The following ATAD2B variants were observed in gnomAD, a reference collection of about 807,000 sequenced individuals.
The protein encoded by ATAD2B is ATPase family AAA domain-containing protein 2B.
Under a neutral mutation model 167.6 loss-of-function variants are expected in ATAD2B, and 40 were observed. The observed-to-expected ratio is 0.24, with a 90% CI of 0.19 to 0.31. The LOEUF is 0.31. Ranked by LOEUF, ATAD2B falls within the 10% of genes least tolerant of loss-of-function variation. The pLI, the probability that ATAD2B is intolerant of heterozygous loss-of-function variation, is 1.00. For missense variants in ATAD2B, 1,242 were observed against 1,757.2 expected, an observed-to-expected ratio of 0.71 and a Z score of 5.24; for synonymous variants, 579 against 596.5, an observed-to-expected ratio of 0.97 and a Z score of 0.43.
At chr2:23,797,897 A>C (rs999384982) in intron 19 of ATAD2B, among the ~76,000 whole-genome samples, 10 of 152,156 alleles carry the variant, frequency 6.6e-5, no homozygotes, top group Non-Finnish European at 1.2e-4. Flanking sequence ...TATATAATTC[A>C]GGTTTTGTTC....
At chr2:23,698,971 T>TGCCA in the ATAD2B span, among the ~76,000 whole-genome samples, 1 of 152,254 alleles carries the variant, frequency 6.6e-6, no homozygotes, top group African/African-American at 2.4e-5. Flanking sequence ...TTTGGAACCC[T>TGCCA]GCCATATTGG....
intron 18 of ATAD2B, chr2:23,799,701 T>C (rs1683183990): frequency 6.6e-6 from 1 of 152,012 alleles, no homozygotes. Flanking sequence ...ATTTTTTAAA[T>C]AGTGTATTTT....
chr2:23,747,162 A>G (rs1674933658), downstream of ATAD2B, among the ~76,000 whole-genome samples: 1 of 152,146 alleles, frequency 6.6e-6, no homozygotes, highest in African/African-American at 2.4e-5. Context: ...TAGGGAATAC[A>G]GAAGAAATAT....
intron 14 of ATAD2B, among the ~76,000 whole-genome samples, chr2:23,830,158 A>G (rs1380026243): frequency 6.6e-6 from 1 of 151,904 alleles, no homozygotes; most frequent in Non-Finnish European, 1.5e-5. Context: ...TAATTTTTGT[A>G]TTTTTAGTAG....
At chr2:23,884,503 A>AT (rs1698408747) in intron 6 of ATAD2B, among the ~76,000 whole-genome samples, 1 of 152,208 alleles carries the variant, frequency 6.6e-6, no homozygotes, top group Non-Finnish European at 1.5e-5. Flanking sequence ...AGTAAATCCC[A>AT]TACCAGATCA....
chr2:23,878,127 A>G (rs540489445), intron 7 of ATAD2B, among the ~76,000 whole-genome samples: 2 of 151,908 alleles, frequency 1.3e-5, no homozygotes, highest in Non-Finnish European at 2.9e-5. Context: ...TTAGGAGGCC[A>G]ACATGTGTGG....
chr2:23,801,915 C>A (rs1010044042), intron 18 of ATAD2B, among the ~76,000 whole-genome samples: 2 of 151,972 alleles, frequency 1.3e-5, no homozygotes, highest in Non-Finnish European at 2.9e-5. Flanking sequence ...TAAAATGTTC[C>A]ATCCATGAAA....
At chr2:23,711,218 G>C in the ATAD2B span, among the ~76,000 whole-genome samples, 9 of 151,390 alleles carry the variant, frequency 5.9e-5, no homozygotes, top group African/African-American at 1.7e-4. Flanking sequence ...TGGAATTGCA[G>C]GCAATTTTTC....
intron 4 of ATAD2B, among the ~76,000 whole-genome samples, 187 bp downstream of exon 4, chr2:23,887,645 C>T (rs1272667365): frequency 6.6e-6 from 1 of 152,160 alleles, no homozygotes; most frequent in Non-Finnish European, 1.5e-5. Flanking sequence ...GAGACTCAAT[C>T]CCACATACTC....
intron 13 of ATAD2B, among the ~76,000 whole-genome samples, chr2:23,853,917 C>G (rs1368380946): frequency 3.3e-5 from 5 of 152,102 alleles, no homozygotes; most frequent in South Asian, 2.1e-4. Flanking sequence ...AAAGTAAACT[C>G]TTCAATATAT....
In ATAD2B at chr2:23,786,111, C is replaced by T. The variant is rs375159184; in HGVS notation, c.2889G>A (p.Leu963=). Residue 963 remains leucine, a synonymous_variant, in exon 21 of 28, where the codon TTG becomes TTA. Transcript: ENST00000238789. ...TGGTTACATCCCTGAGAAACAACCG[C>T]AACTCTCTTAAAGTATTTTCCTCCT... ...EDQEENTLRE[L]RLFLRDVTKR... is the part of the protein sequence containing the mutation. 1.9e-6 allele frequency: 3 copies of T among 1,611,086 alleles called. No individual in the cohort carries two copies. The highest frequency in any genetic ancestry group is 2.5e-6 in the Non-Finnish European group (3 of 1,178,674).
At chr2:23,682,682 AC>A in the ATAD2B span, among the ~76,000 whole-genome samples, 2 of 144,412 alleles carry the variant, frequency 1.4e-5, no homozygotes, top group African/African-American at 5.2e-5. The surrounding 1 kb of genome is among the most constrained non-coding windows in gnomAD (Gnocchi z 4.1). Flanking sequence ...ACCCTCCCAC[AC>A]CCTCCCGCAC....
At chr2:23,776,221 G>A (rs945401295) in intron 22 of ATAD2B, among the ~76,000 whole-genome samples, 6 of 152,182 alleles carry the variant, frequency 3.9e-5, no homozygotes, top group Non-Finnish European at 5.9e-5. Context: ...CCATAAATCT[G>A]TTCCTCCATT....
intron 18 of ATAD2B, among the ~76,000 whole-genome samples, chr2:23,808,206 A>AT (rs1553398553): frequency 0.12 from 15,933 of 129,874 alleles, 1,027 homozygotes; most frequent in Middle Eastern, 0.21. Flanking sequence ...TTTATATAAA[A>AT]ATATATATAT....
At chr2:23,914,901 A>ACATATAGAAG (rs1054973764) in intron 1 of ATAD2B, among the ~76,000 whole-genome samples, 12 of 152,086 alleles carry the variant, frequency 7.9e-5, no homozygotes, top group South Asian at 2.1e-4. Flanking sequence ...TTAGAGCAGC[A>ACATATAGAAG]CATATAGAAG....
chr2:23,825,012 T>C lies in ATAD2B; in HGVS notation c.1820-1443A>G, dbSNP rs987091214. Among the ~76,000 whole-genome samples, 8 of 152,160 alleles carry C rather than the reference T, an allele frequency of 5.3e-5. No homozygotes were observed. In the South Asian group the frequency reaches 8.3e-4, roughly 16 times the overall value. On this transcript the variant is annotated intron_variant, in intron 15 of 27. Coordinates refer to ENST00000238789, the MANE Select transcript of ATAD2B (RefSeq NM_017552.4). ...CAGGCTGAAGTGCAGTGGGTGATCA[T>C]GGCTCACCGCAGCCTTGACTTCCTG...
intron 1 of ATAD2B, among the ~76,000 whole-genome samples, chr2:23,921,937 C>T (rs1054182422): frequency 2.6e-5 from 4 of 152,104 alleles, no homozygotes; most frequent in African/African-American, 9.7e-5. Context: ...CTCTTTAACC[C>T]TCAATTTCGA....
chr2:23,702,378 A>G, the ATAD2B span, among the ~76,000 whole-genome samples: 2 of 152,240 alleles, frequency 1.3e-5, no homozygotes, highest in East Asian at 1.9e-4. Flanking sequence ...AAAATGTCAG[A>G]TATCTCATGG....
At position 23,757,995 on chromosome 2, in the gene ATAD2B, T is replaced by C; in HGVS notation, c.3501A>G (p.Ala1167=). Residue 1167 remains alanine (A), a synonymous_variant, in exon 25 of 28, where the codon GCA becomes GCG. Coordinates refer to ENST00000238789, the MANE Select transcript of ATAD2B (RefSeq NM_017552.4). The stretch of plus-strand genomic sequence containing the variant: ...TGTCCTCCGTATGGTTCTCATAGTC[T>C]GCAAATTTGGTGTCTTCTTCATCTT... ...LKKDEEDTKF[A]DYENHTEDRK... is the part of the protein sequence containing the mutation. The C allele has an allele frequency of 1.2e-6, 2 of 1,612,932 alleles. No homozygotes were observed. The highest frequency in any genetic ancestry group is 1.7e-6 in the Non-Finnish European group (2 of 1,179,472).
Sources: gnomAD v4.1 joint callset for allele counts (sites outside exome capture counted in the v4.1 genomes callset) on GRCh38, gnomAD v4.1.1 for gene constraint, Gnocchi (gnomAD v3.1) non-coding constraint, MANE v1.5 for transcripts, NCBI Gene and HGNC (gene_info 2026-07-23, HGNC 2026-07-21) for gene names.